PIK3C2G: variants seen among roughly 807,000 people sequenced by gnomAD.
PIK3C2G encodes phosphatidylinositol 3-kinase C2 domain-containing subunit gamma.
A neutral mutation model predicts 181.1 loss-of-function variants in PIK3C2G; 168 were observed. The observed-to-expected ratio is 0.93, with a 90% confidence interval of 0.82 to 1.05. The LOEUF is 1.05. PIK3C2G is among the 50% of genes least tolerant of loss of function. The pLI is 0.00. For synonymous variants in PIK3C2G, 573 were observed against 592.2 expected, an observed-to-expected ratio of 0.97 and a Z score of 0.47; for missense variants, 1,869 against 1,732.8, an observed-to-expected ratio of 1.08 and a Z score of -1.40.
intron 30 of PIK3C2G, 79 bp from the exon 31 acceptor site, chr12:18,609,455 GT>G (rs1948222643): frequency 1.3e-6 from 1 of 750,224 alleles, no homozygotes; most frequent in East Asian, 2.7e-5. Context: ...TATTGGTCCT[GT>G]TTTAGTTTTT....
At chr12:18,356,753 T>G (rs944417798) in intron 11 of PIK3C2G, among the ~76,000 whole-genome samples, 1 of 152,026 alleles carries the variant, frequency 6.6e-6, no homozygotes, top group African/African-American at 2.4e-5. Context: ...TGAAAGATCC[T>G]GCTGTCAAGC....
At chr12:18,249,439 C>G (rs897384487) in intron 1 of PIK3C2G, among the ~76,000 whole-genome samples, 1 of 152,152 alleles carries the variant, frequency 6.6e-6, no homozygotes, top group Non-Finnish European at 1.5e-5. Flanking sequence ...TTCTCCCTGA[C>G]TTCCACTACA....
chr12:18,410,240 C>G lies in PIK3C2G; in HGVS notation c.2315+10393C>G, dbSNP rs548494459. 2.0e-5 allele frequency among the ~76,000 whole-genome samples: 3 copies of G among 152,280 alleles called. No individual in the cohort carries two copies. In the South Asian group the frequency reaches 6.2e-4, roughly 32 times the overall value. ...TCAGGCCAGGCATAGTGGCTCACGC[C>G]TATAATCCCAACACTTTGGGAGGCC... On this transcript the variant is annotated intron_variant, in intron 16 of 32. Coordinates refer to ENST00000538779, the MANE Select transcript of PIK3C2G (RefSeq NM_001288772.2).
the PIK3C2G span, among the ~76,000 whole-genome samples, chr12:18,654,539 C>T: frequency 1.3e-5 from 2 of 152,110 alleles, no homozygotes; most frequent in African/African-American, 2.4e-5. Context: ...AGGATGAAAA[C>T]GCATCTGTGT....
At chr12:18,349,997 C>T (rs776494186) in intron 11 of PIK3C2G, among the ~76,000 whole-genome samples, 14 of 152,086 alleles carry the variant, frequency 9.2e-5, no homozygotes, top group Non-Finnish European at 1.9e-4. Flanking sequence ...TAGTCCATGT[C>T]GTGGTTATTA....
intron 31 of PIK3C2G, among the ~76,000 whole-genome samples, chr12:18,610,608 CAA>C (rs1318677239): frequency 1.3e-5 from 2 of 152,018 alleles, no homozygotes; most frequent in African/African-American, 4.8e-5. Flanking sequence ...CATTTTCTTG[CAA>C]ATCTTTTTCT....
the PIK3C2G span, among the ~76,000 whole-genome samples, chr12:18,718,059 T>G: frequency 2.6e-5 from 4 of 152,236 alleles, no homozygotes; most frequent in Middle Eastern, 3.4e-3. Context: ...GGGGGTGCTT[T>G]GGGAGTGAGG....
chr12:18,723,525 T>A, the PIK3C2G span: 1 of 1,612,230 alleles, frequency 6.2e-7, no homozygotes, highest in South Asian at 1.1e-5. Context: ...TTCTTCCTTG[T>A]TTCAGCCTGT....
At chr12:18,570,222 T>TC (rs201217632) in intron 29 of PIK3C2G, among the ~76,000 whole-genome samples, 6,584 of 152,082 alleles carry the variant, frequency 0.043, 322 homozygotes, top group African/African-American at 0.12. Flanking sequence ...CACTTTTTTT[T>TC]TTTTTGAGAT....
intron 24 of PIK3C2G, among the ~76,000 whole-genome samples, chr12:18,534,707 C>T (rs1249184408): frequency 6.8e-6 from 1 of 147,970 alleles, no homozygotes; most frequent in African/African-American, 2.5e-5. Context: ...AAAAGAAAGG[C>T]TTCTGATCCT....
chr12:18,545,770 C>A (rs1462716994), intron 25 of PIK3C2G, among the ~76,000 whole-genome samples: 3 of 151,910 alleles, frequency 2.0e-5, no homozygotes, highest in African/African-American at 7.2e-5. Context: ...GGATTAAGAA[C>A]CAGAGCGGTG....
intron 5 of PIK3C2G, among the ~76,000 whole-genome samples, chr12:18,295,086 A>G (rs1437471848): frequency 1.3e-5 from 2 of 149,778 alleles, no homozygotes; most frequent in South Asian, 4.2e-4. Context: ...TTAAAATAAT[A>G]TTTCAATAGC....
chr12:18,701,472 T>G, the PIK3C2G span: 1 of 1,614,024 alleles, frequency 6.2e-7, no homozygotes, highest in Non-Finnish European at 8.5e-7. Context: ...TCCAATCACT[T>G]GTAAGATTTT....
At chr12:18,262,877 T>C (rs766274979) in intron 1 of PIK3C2G, among the ~76,000 whole-genome samples, 87 of 152,194 alleles carry the variant, frequency 5.7e-4, no homozygotes, top group Non-Finnish European at 1.0e-3. Flanking sequence ...AAGCATTGTA[T>C]TGTATTTCTA....
chr12:18,571,586 CT>C (rs754392610), intron 29 of PIK3C2G, among the ~76,000 whole-genome samples: 2 of 150,972 alleles, frequency 1.3e-5, no homozygotes, highest in South Asian at 4.1e-4. Flanking sequence ...GAAATTTTCA[CT>C]AACGTTCACG....
intron 16 of PIK3C2G, among the ~76,000 whole-genome samples, chr12:18,407,289 T>C (rs1944592075): frequency 6.6e-6 from 1 of 152,258 alleles, no homozygotes; most frequent in South Asian, 2.1e-4. Flanking sequence ...AAAACTTACA[T>C]GATAAAGAGT....
chr12:18,273,043 T>C (rs28654175), intron 1 of PIK3C2G, among the ~76,000 whole-genome samples: 2 of 150,260 alleles, frequency 1.3e-5, no homozygotes, highest in Non-Finnish European at 3.0e-5. Context: ...CACACAGAGA[T>C]AGAGAGAGAG....
chr12:18,554,211 A>G (rs1341353529), intron 26 of PIK3C2G, among the ~76,000 whole-genome samples: 1 of 152,100 alleles, frequency 6.6e-6, no homozygotes, highest in Non-Finnish European at 1.5e-5. Flanking sequence ...CCAGGACACA[A>G]CTATGCCAAA....
chr12:18,448,767 C>T (rs987196492), intron 18 of PIK3C2G, among the ~76,000 whole-genome samples: 1 of 151,502 alleles, frequency 6.6e-6, no homozygotes, highest in Non-Finnish European at 1.5e-5. Flanking sequence ...AATATTGTTA[C>T]AAATTGAAAA....
Sources: gnomAD v4.1 joint callset for allele counts (sites outside exome capture counted in the v4.1 genomes callset) on GRCh38, gnomAD v4.1.1 for gene constraint, MANE v1.5 for transcripts, NCBI Gene and HGNC (gene_info 2026-07-23, HGNC 2026-07-21) for gene names.